ITPRIP: variants seen among roughly 807,000 people sequenced by gnomAD.
ITPRIP encodes the protein inositol 1,4,5-trisphosphate receptor-interacting protein.
ITPRIP carries 32 observed loss-of-function variants against 35.8 expected under a neutral mutation model. That is an observed-to-expected ratio of 0.89 (90% CI 0.68 to 1.20). The LOEUF (loss-of-function observed/expected upper bound fraction) is 1.20, where lower values mean the gene tolerates loss of function less well. Among genes scored for constraint, ITPRIP ranks in the 50% most tolerant of loss-of-function variants. The pLI, the probability that ITPRIP is intolerant of heterozygous loss-of-function variation, is 0.00. For synonymous variants in ITPRIP, 358 were observed against 324.0 expected, an observed-to-expected ratio of 1.11 and a Z score of -1.13; for missense variants, 653 against 735.6, an observed-to-expected ratio of 0.89 and a Z score of 1.30.
In ITPRIP at chr10:104,313,768, C is replaced by G; in HGVS notation, c.*640G>C. ...AAGTGGCTAATTGTGTTTCTCTATGCCACCAAGTACCCATTTCCGTGTGAC... is the reference window on the plus strand; with the variant it reads ...AAGTGGCTAATTGTGTTTCTCTATGGCACCAAGTACCCATTTCCGTGTGAC... On this transcript the variant is annotated 3_prime_UTR_variant, in exon 2 of 2. Transcript: ENST00000337478. The G allele has an allele frequency of 3.0e-6, 3 of 985,504 alleles. No homozygotes were observed. The highest frequency in any genetic ancestry group is 3.6e-6 in the Non-Finnish European group (3 of 830,010). 61.0% of individuals were successfully genotyped at this position (985,504 alleles called of 1,614,324 possible). A position where few individuals can be genotyped will look rare whatever the true frequency, so the allele number is the denominator to read the frequency against.
In ITPRIP at chr10:104,314,123, C is replaced by T. The variant is rs998471435; in HGVS notation, c.*285G>A. On this transcript the variant is annotated 3_prime_UTR_variant, in exon 2 of 2. Coordinates refer to ENST00000337478, the MANE Select transcript of ITPRIP (RefSeq NM_001272013.2). ...AACTCAGGGTCCACAGCGTGTTCTG[C>T]CACCATCTTGGCCATTCATGGTGAT... The T allele has an allele frequency of 1.7e-5, 21 of 1,214,430 alleles. No homozygotes were observed. Among genetic ancestry groups the T allele is most frequent in the Non-Finnish European group, 2.1e-5 (20 of 972,332 alleles). The allele number at this position is 1,214,430 out of a possible 1,614,324, so 75.2% of individuals were successfully genotyped here. A position where few individuals can be genotyped will look rare whatever the true frequency, so the allele number is the denominator to read the frequency against.
Position 104,315,715 on chromosome 10 carries a change from G to T in ITPRIP, c.337C>A (p.Pro113Thr). 12 of 1,613,678 alleles carry T rather than the reference G, an allele frequency of 7.4e-6. No individual in the cohort carries two copies. Among genetic ancestry groups the T allele is most frequent in the Non-Finnish European group, 9.3e-6 (11 of 1,180,002 alleles). ...WRQDHQEGPS[P>T]ECLGGEEDEL... ...TCCTCCTCACCGCCCAGGCACTCAGGTGAGGGCCCCTCCTGGTGGTCCTGC... is the reference window on the plus strand; with the variant it reads ...TCCTCCTCACCGCCCAGGCACTCAGTTGAGGGCCCCTCCTGGTGGTCCTGC... Residue 113 changes from proline to threonine, a missense_variant, in exon 2 of 2, where the codon CCT becomes ACT. Physicochemically the swap from Pro to Thr is conservative, Grantham distance 38. Coordinates refer to ENST00000337478, the MANE Select transcript of ITPRIP (RefSeq NM_001272013.2). This position sits in a 1 kb window ranked among gnomAD's most constrained non-coding sequence, Gnocchi z 5.7.
At chr10:104,329,861 C>A (rs761104286) in intron 1 of ITPRIP, among the ~76,000 whole-genome samples, 106 of 152,206 alleles carry the variant, frequency 7.0e-4, no homozygotes, top group Non-Finnish European at 1.3e-3. Context: ...ACTGGTGCTG[C>A]GGTCATGTCT....
chr10:104,329,176 A>G (rs1176640118), intron 1 of ITPRIP, among the ~76,000 whole-genome samples: 1 of 152,154 alleles, frequency 6.6e-6, no homozygotes, highest in Non-Finnish European at 1.5e-5. Flanking sequence ...AGGCCAGCCC[A>G]GCTGTAAAAA....
At chr10:104,331,100 G>A (rs775350549) in intron 1 of ITPRIP, among the ~76,000 whole-genome samples, 2 of 152,232 alleles carry the variant, frequency 1.3e-5, no homozygotes, top group Non-Finnish European at 2.9e-5. Flanking sequence ...TGAGATAAAA[G>A]GAATGGAAAG....
chr10:104,315,839 C>T lies in ITPRIP; in HGVS notation c.213G>A (p.Gln71=), dbSNP rs1441803329. 4.3e-6 allele frequency: 7 copies of T among 1,613,072 alleles called. No homozygotes were observed. The highest frequency in any genetic ancestry group is 5.9e-6 in the Non-Finnish European group (7 of 1,179,382). ...RLAAEKEALE[Q]VAEEGRQQNE... ...TCTGCTGCCTGCCCTCCTCCGCCAC[C>T]TGCTCCAGTGCCTCCTTTTCGGCCG... The change falls in exon 2 of 2, where the codon CAG becomes CAA. Residue 71 remains glutamine, a synonymous_variant. Transcript: ENST00000337478. The surrounding 1 kb of genome is among the most constrained non-coding windows in gnomAD (Gnocchi z 5.7).
rs1357407060 is a variant in ITPRIP, at chr10:104,314,682, C to A, written c.1370G>T (p.Arg457Leu). The A allele has an allele frequency of 1.9e-6, 3 of 1,613,832 alleles. No homozygotes were observed. The highest frequency in any genetic ancestry group is 2.5e-6 in the Non-Finnish European group (3 of 1,179,918). The change falls in exon 2 of 2, where the codon CGT (arginine) becomes CTT (leucine). Residue 457 changes from arginine to leucine, a missense_variant. By Grantham distance (102) the Arg-to-Leu change is moderately radical. Coordinates refer to ENST00000337478, the MANE Select transcript of ITPRIP (RefSeq NM_001272013.2). ...ADWKAGQLDA[R>L]LHELLCFLEK... ...CAGGAAGCACAGCAACTCGTGCAGACGAGCGTCCAGCTGCCCCGCCTTCCA... is the reference window on the plus strand; with the variant it reads ...CAGGAAGCACAGCAACTCGTGCAGAAGAGCGTCCAGCTGCCCCGCCTTCCA...
At chr10:104,316,569 AG>A (rs2013697395) in intron 1 of ITPRIP, among the ~76,000 whole-genome samples, 1 of 152,102 alleles carries the variant, frequency 6.6e-6, no homozygotes. Context: ...CTGAGGGAAC[AG>A]GATTATACCT....
In ITPRIP at chr10:104,315,906, T is replaced by G; in HGVS notation, c.146A>C (p.Gln49Pro). The change falls in exon 2 of 2, where the codon CAG becomes CCG. Residue 49 changes from glutamine to proline, a missense_variant. Coordinates refer to ENST00000337478, the MANE Select transcript of ITPRIP (RefSeq NM_001272013.2). This position sits in a 1 kb window ranked among gnomAD's most constrained non-coding sequence, Gnocchi z 5.7. ...RKMQAHQEKL[Q>P]LEQLRLEEEV... is the part of the protein sequence containing the mutation. ...CTCCTCCAGGCGCAACTGCTCCAGC[T>G]GCAGCTTCTCCTGGTGCGCCTGCAT... 6.2e-7 allele frequency: 1 copy of G among 1,613,980 alleles called. No individual in the cohort carries two copies.
rs1223279002 is a variant in ITPRIP at position 104,315,775 on chromosome 10, A to G, written c.277T>C (p.Cys93Arg). The change falls in exon 2 of 2, where the codon TGC becomes CGC. Residue 93 changes from cysteine to arginine, a missense_variant. Physicochemically the swap from Cys to Arg is radical, Grantham distance 180. Transcript: ENST00000337478. The surrounding 1 kb of genome is among the most constrained non-coding windows in gnomAD (Gnocchi z 5.7). ...RVAWDLWSTLCMILFLMIEVW... is the reference protein window; with the variant it reads ...RVAWDLWSTLRMILFLMIEVW... The stretch of plus-strand genomic sequence containing the variant: ...TCGATCATCAGGAAGAGGATCATGC[A>G]GAGGGTGCTCCAGAGGTCCCAGGCC... 2 of 1,613,870 alleles carry G rather than the reference A, an allele frequency of 1.2e-6. No homozygotes were observed. Among genetic ancestry groups the G allele is most frequent in the African/African-American group, 2.7e-5 (2 of 74,940 alleles).
At chr10:104,332,626 C>A (rs2014169972) in intron 1 of ITPRIP, among the ~76,000 whole-genome samples, 1 of 152,192 alleles carries the variant, frequency 6.6e-6, no homozygotes, top group Non-Finnish European at 1.5e-5. Context: ...GTGGCGGAAA[C>A]ACAGGTCACC....
At chr10:104,329,096 C>G (rs1005316639) in intron 1 of ITPRIP, among the ~76,000 whole-genome samples, 2 of 151,988 alleles carry the variant, frequency 1.3e-5, no homozygotes, top group Non-Finnish European at 2.9e-5. Flanking sequence ...CACACACTCT[C>G]CCTGCAAAGA....
At chr10:104,318,073 G>A (rs2013736620) in intron 1 of ITPRIP, among the ~76,000 whole-genome samples, 1 of 152,194 alleles carries the variant, frequency 6.6e-6, no homozygotes, top group South Asian at 2.1e-4. Flanking sequence ...AGCGGGGACA[G>A]GATGAAGTGG....
chr10:104,330,807 C>T (rs1176056685), intron 1 of ITPRIP, among the ~76,000 whole-genome samples: 1 of 152,212 alleles, frequency 6.6e-6, no homozygotes, highest in African/African-American at 2.4e-5. Flanking sequence ...GCAACTGAGG[C>T]ACAGAGGTGA....
chr10:104,317,673 C>T (rs554973918), intron 1 of ITPRIP, among the ~76,000 whole-genome samples: 2 of 152,308 alleles, frequency 1.3e-5, no homozygotes, highest in African/African-American at 4.8e-5. Context: ...CTACCACCCC[C>T]TAGTGCACAC....
At chr10:104,329,076 T>G (rs913535677) in intron 1 of ITPRIP, among the ~76,000 whole-genome samples, 1 of 149,480 alleles carries the variant, frequency 6.7e-6, no homozygotes, top group African/African-American at 2.5e-5. Flanking sequence ...CATACACACA[T>G]GCACGCACAC....
chr10:104,324,938 T>C (rs1278587982), intron 1 of ITPRIP, among the ~76,000 whole-genome samples: 1 of 152,224 alleles, frequency 6.6e-6, no homozygotes, highest in Non-Finnish European at 1.5e-5. Flanking sequence ...TGAGCAACAC[T>C]GGGTGCAGTG....
chr10:104,312,293 A>C lies in ITPRIP; in HGVS notation c.*2115T>G, dbSNP rs888637943. The C allele has an allele frequency of 2.6e-5, 4 of 152,298 alleles. No individual in the cohort carries two copies. Among genetic ancestry groups the C allele is most frequent in the Non-Finnish European group, 4.4e-5 (3 of 68,022 alleles). The allele number at this position is 152,298 out of a possible 1,614,324, so 9.4% of individuals were successfully genotyped here. A position where few individuals can be genotyped will look rare whatever the true frequency, so the allele number is the denominator to read the frequency against. On this transcript the variant is annotated 3_prime_UTR_variant, in exon 2 of 2. Coordinates refer to ENST00000337478, the MANE Select transcript of ITPRIP (RefSeq NM_001272013.2). ...CTCTGTACACACAAGAAGCCAGAAG[A>C]TATTTTTTTTTCAGTGAACTTTCTC...
At chr10:104,319,902 C>T (rs1218510752) in intron 1 of ITPRIP, among the ~76,000 whole-genome samples, 2 of 152,136 alleles carry the variant, frequency 1.3e-5, no homozygotes, top group South Asian at 4.1e-4. Context: ...CACAACTGAA[C>T]AGCATTAACG....
Sources: allele counts gnomAD v4.1 joint callset (sites outside exome capture counted in the v4.1 genomes callset), GRCh38; gene constraint gnomAD v4.1.1; non-coding constraint Gnocchi (gnomAD v3.1); transcripts MANE v1.5; gene names NCBI Gene and HGNC (gene_info 2026-07-23, HGNC 2026-07-21).